The following SLC14A2 variants were observed in gnomAD, a reference collection of about 807,000 sequenced individuals.
The protein encoded by SLC14A2 is urea transporter 2.
Under a neutral mutation model 104.6 loss-of-function variants are expected in SLC14A2, and 91 were observed. The observed-to-expected ratio is 0.87, with a 90% CI of 0.73 to 1.04. The LOEUF (loss-of-function observed/expected upper bound fraction) is 1.04, where lower values mean the gene tolerates loss of function less well. Ranked by LOEUF, SLC14A2 falls within the 50% of genes least tolerant of loss-of-function variation. The pLI is 0.00. For synonymous variants in SLC14A2, 476 were observed against 466.4 expected, an observed-to-expected ratio of 1.02 and a Z score of -0.27; for missense variants, 1,189 against 1,156.0, an observed-to-expected ratio of 1.03 and a Z score of -0.41.
intron 19 of SLC14A2, among the ~76,000 whole-genome samples, chr18:45,680,665 C>T (rs999549158): frequency 5.9e-5 from 9 of 152,152 alleles, no homozygotes; most frequent in Admixed American, 4.6e-4. Context: ...TATTTAGGAT[C>T]ATTTGTATTG....
chr18:45,191,289 T>C, the SLC14A2 span, among the ~76,000 whole-genome samples: 4 of 152,182 alleles, frequency 2.6e-5, no homozygotes, highest in Non-Finnish European at 5.9e-5. Flanking sequence ...TCACACGTTA[T>C]ATGCAGTGGA....
upstream of SLC14A2, among the ~76,000 whole-genome samples, chr18:45,611,958 G>T (rs1568297982): frequency 6.6e-6 from 1 of 152,220 alleles, no homozygotes; most frequent in Non-Finnish European, 1.5e-5. Flanking sequence ...TTCATAGTCT[G>T]CAATCTTCAG....
intron 9 of SLC14A2, 141 bp from the exon 10 acceptor site, chr18:45,643,845 T>C (rs2045574343): frequency 2.7e-6 from 2 of 736,308 alleles, no homozygotes; most frequent in East Asian, 2.5e-5. Context: ...TACTGTGACA[T>C]TGCAAATCCA....
chr18:45,359,166 T>C (rs898217474), intron 1 of SLC14A2, among the ~76,000 whole-genome samples: 1 of 152,232 alleles, frequency 6.6e-6, no homozygotes, highest in African/African-American at 2.4e-5. Context: ...CATCCGGGAT[T>C]CTTCCCAATT....
chr18:45,552,912 C>T (rs1277172165), intron 2 of SLC14A2, among the ~76,000 whole-genome samples: 1 of 152,192 alleles, frequency 6.6e-6, no homozygotes, highest in African/African-American at 2.4e-5. Flanking sequence ...GGTGAGATAG[C>T]AGCCATGGGA....
In SLC14A2 at chr18:45,385,327, G is replaced by A. The variant is rs377141285; in HGVS notation, c.-124-97906G>A. Among the ~76,000 whole-genome samples the A allele has an allele frequency of 1.4e-4, 21 of 152,358 alleles. No individual in the cohort carries two copies. In the East Asian group the frequency reaches 2.5e-3, roughly 18 times the overall value. ...AATCACAGGACCCCACACTAAGGGA[G>A]TTGGGCTGCTGCAAGCTCCACAGCA... On this transcript the variant is annotated intron_variant, in intron 1 of 20. Transcript: ENST00000586448.
chr18:45,285,661 G>GGGGGCCCCCCC (rs2084805921), intron 1 of SLC14A2, among the ~76,000 whole-genome samples: 1 of 124,982 alleles, frequency 8.0e-6, no homozygotes, highest in Non-Finnish European at 1.8e-5. Context: ...CAGGTGATCT[G>GGGGGCCCCCCC]CCCCCCCCCC....
At chr18:45,199,211 GTTTATT>G in the SLC14A2 span, among the ~76,000 whole-genome samples, 1 of 152,214 alleles carries the variant, frequency 6.6e-6, no homozygotes, top group African/African-American at 2.4e-5. Context: ...CCATATGTGG[GTTTATT>G]TTTATTCCTT....
the SLC14A2 span, among the ~76,000 whole-genome samples, chr18:45,197,345 A>G: frequency 6.6e-6 from 1 of 152,194 alleles, no homozygotes; most frequent in Non-Finnish European, 1.5e-5. Flanking sequence ...AAGACCTTCT[A>G]TGTTCAGATT....
At chr18:45,492,260 G>A (rs939069726) in intron 2 of SLC14A2, 2 of 152,228 alleles carry the variant, frequency 1.3e-5, no homozygotes, top group Non-Finnish European at 2.9e-5. Context: ...TAATGCCAAG[G>A]GAGGCTAGGA....
chr18:45,315,952 C>T (rs1207067727), intron 1 of SLC14A2, among the ~76,000 whole-genome samples: 2 of 152,184 alleles, frequency 1.3e-5, no homozygotes, highest in Non-Finnish European at 2.9e-5. Context: ...AGGGGGACCC[C>T]ATGAATTGCC....
At chr18:45,243,007 T>G (rs1307620510) in intron 1 of SLC14A2, among the ~76,000 whole-genome samples, 1 of 152,238 alleles carries the variant, frequency 6.6e-6, no homozygotes. Flanking sequence ...CTTTTTGTAC[T>G]GAGCTCCTTG....
intron 1 of SLC14A2, among the ~76,000 whole-genome samples, chr18:45,350,283 A>G (rs1213148474): frequency 2.0e-5 from 3 of 152,260 alleles, no homozygotes; most frequent in Admixed American, 6.5e-5. Flanking sequence ...ATCACAATGC[A>G]TTACTAACAT....
intron 1 of SLC14A2, among the ~76,000 whole-genome samples, chr18:45,457,239 A>G (rs1024455086): frequency 1.4e-4 from 21 of 152,180 alleles, no homozygotes; most frequent in Non-Finnish European, 2.8e-4. Context: ...CTGGATCAAT[A>G]GAGTACAGTA....
At chr18:45,553,817 A>G (rs781672133) in intron 2 of SLC14A2, among the ~76,000 whole-genome samples, 55 of 152,054 alleles carry the variant, frequency 3.6e-4, no homozygotes, top group Non-Finnish European at 1.8e-4. Flanking sequence ...AACATTTCTG[A>G]CTCCAGAAGA....
chr18:45,583,770 C>T (rs190509650), intron 2 of SLC14A2, among the ~76,000 whole-genome samples: 119 of 152,122 alleles, frequency 7.8e-4, no homozygotes, highest in African/African-American at 2.7e-3. Context: ...GCCCCAATTT[C>T]CATGGTATAA....
chr18:45,368,911 G>A (rs564137688), intron 1 of SLC14A2, among the ~76,000 whole-genome samples: 9 of 152,098 alleles, frequency 5.9e-5, no homozygotes, highest in South Asian at 4.2e-4. Context: ...CCATTCAGCC[G>A]TAGAAGCACA....
chr18:45,600,839 T>C (rs879614912), intron 2 of SLC14A2, among the ~76,000 whole-genome samples: 2 of 152,210 alleles, frequency 1.3e-5, no homozygotes, highest in Admixed American at 6.5e-5. Context: ...ATTTGAATTA[T>C]TGTGAATTTC....
chr18:45,640,037 T>A, intron 7 of SLC14A2, 144 bp downstream of exon 7: 1 of 766,472 alleles, frequency 1.3e-6, no homozygotes, highest in Non-Finnish European at 2.0e-6. Context: ...CTTATGCCTG[T>A]AATCCCAGCA....
Sources: gnomAD v4.1 joint callset for allele counts (sites outside exome capture counted in the v4.1 genomes callset) on GRCh38, gnomAD v4.1.1 for gene constraint, MANE v1.5 for transcripts, NCBI Gene and HGNC (gene_info 2026-07-23, HGNC 2026-07-21) for gene names.